Variants in EIF3H observed in about 807,000 individuals in gnomAD.
The protein encoded by EIF3H is eIF-3-gamma.
In EIF3H, 26 loss-of-function variants were observed where a neutral mutation model predicts 44.2. The ratio of observed to expected loss-of-function variants is 0.59; its 90% confidence interval spans 0.43 to 0.82. The LOEUF (loss-of-function observed/expected upper bound fraction) is 0.82, where lower values mean the gene tolerates loss of function less well. EIF3H is among the 40% of genes least tolerant of loss of function. EIF3H has a pLI of 0.00. For missense variants in EIF3H, 359 were observed against 432.8 expected (o/e 0.83, Z 1.51); for synonymous variants, 166 against 151.9 (o/e 1.09, Z -0.68).
At chr8:116,760,611 T>C (rs1815509021), upstream of EIF3H, among the ~76,000 whole-genome samples, 1 of 151,524 alleles carries the variant, frequency 6.6e-6, no homozygotes, top group African/African-American at 2.4e-5. Flanking sequence ...AATCTTGCAG[T>C]AAAAAAAAAT....
chr8:116,731,164 A>G (rs1814944284), intron 1 of EIF3H, among the ~76,000 whole-genome samples: 1 of 152,228 alleles, frequency 6.6e-6, no homozygotes, highest in Non-Finnish European at 1.5e-5. Context: ...TGTGATACAT[A>G]TACACTCAGG....
At chr8:116,759,203 A>C (rs1815489845), upstream of EIF3H, among the ~76,000 whole-genome samples, 1 of 152,194 alleles carries the variant, frequency 6.6e-6, no homozygotes, top group Non-Finnish European at 1.5e-5. Flanking sequence ...TTGTCACAGA[A>C]ACTAATGTTT....
intron 1 of EIF3H, among the ~76,000 whole-genome samples, chr8:116,754,824 G>A (rs1203832322): frequency 1.3e-5 from 2 of 152,144 alleles, no homozygotes; most frequent in African/African-American, 4.8e-5. Context: ...AAAAATACCT[G>A]CTTGCAATTA....
intron 2 of EIF3H, among the ~76,000 whole-genome samples, chr8:116,671,082 T>A (rs898163145): frequency 1.3e-5 from 2 of 152,216 alleles, no homozygotes; most frequent in African/African-American, 4.8e-5. Context: ...ATGTTTAAAA[T>A]AGAATTAACT....
chr8:116,740,908 C>A (rs1414256785), intron 1 of EIF3H, among the ~76,000 whole-genome samples: 1 of 152,094 alleles, frequency 6.6e-6, no homozygotes, highest in Non-Finnish European at 1.5e-5. Context: ...CCTATAAAGA[C>A]AGTACCAATC....
intron 1 of EIF3H, among the ~76,000 whole-genome samples, chr8:116,749,446 A>G (rs1245547103): frequency 2.0e-5 from 3 of 152,202 alleles, no homozygotes; most frequent in African/African-American, 7.2e-5. Flanking sequence ...TGTAGCCAAC[A>G]TTGCTCATCT....
At chr8:116,737,004 T>G (rs142102902) in intron 1 of EIF3H, among the ~76,000 whole-genome samples, 2 of 152,344 alleles carry the variant, frequency 1.3e-5, no homozygotes, top group African/African-American at 4.8e-5. Context: ...AATGAGATTA[T>G]TTAGACAACA....
chr8:116,755,905 GA>G, upstream of EIF3H: 1 of 1,553,436 alleles, frequency 6.4e-7, no homozygotes. Context: ...GAGACGGAAG[GA>G]GAAGCCAAAA....
intron 2 of EIF3H, among the ~76,000 whole-genome samples, chr8:116,678,987 A>T: frequency 1.6e-5 from 1 of 61,624 alleles, no homozygotes; most frequent in African/African-American, 4.7e-5. Context: ...TCCAGGAGGG[A>T]GGTGGGGGGG....
chr8:116,740,313 T>A (rs1289786907), intron 1 of EIF3H, among the ~76,000 whole-genome samples: 2 of 152,190 alleles, frequency 1.3e-5, no homozygotes, highest in African/African-American at 4.8e-5. Flanking sequence ...CAAGCACTTA[T>A]GTAACTGTAA....
At chr8:116,674,251 A>C (rs1813808031) in intron 2 of EIF3H, among the ~76,000 whole-genome samples, 1 of 146,664 alleles carries the variant, frequency 6.8e-6, no homozygotes, top group East Asian at 2.1e-4. Flanking sequence ...ATTCTAAGAC[A>C]TCATATATTA....
intron 2 of EIF3H, among the ~76,000 whole-genome samples, chr8:116,678,300 T>C (rs1318973600): frequency 8.6e-5 from 13 of 151,928 alleles, no homozygotes; most frequent in Non-Finnish European, 1.6e-4. Context: ...CAGTGCTCAA[T>C]GGTGCCCAGG....
chr8:116,759,607 C>T (rs934191513), upstream of EIF3H, among the ~76,000 whole-genome samples: 6 of 152,086 alleles, frequency 3.9e-5, no homozygotes, highest in South Asian at 2.1e-4. Context: ...CATTTTATTA[C>T]GATAGAGAGT....
intron 2 of EIF3H, among the ~76,000 whole-genome samples, chr8:116,725,016 G>T (rs1489379673): frequency 6.6e-6 from 1 of 152,232 alleles, no homozygotes; most frequent in Non-Finnish European, 1.5e-5. Flanking sequence ...ATAGCCAACA[G>T]GTGGGAGCAA....
intron 1 of EIF3H, among the ~76,000 whole-genome samples, chr8:116,754,548 ACT>A (rs1224647826): frequency 6.6e-6 from 1 of 152,264 alleles, no homozygotes; most frequent in Non-Finnish European, 1.5e-5. Flanking sequence ...AAGTGATTAC[ACT>A]GTACTACAGG....
chr8:116,646,500 G>A lies in EIF3H; in HGVS notation c.932C>T (p.Pro311Leu), dbSNP rs756606553. The A allele has an allele frequency of 6.8e-6, 11 of 1,614,094 alleles. No individual in the cohort carries two copies. The highest frequency in any genetic ancestry group is 8.5e-6 in the Non-Finnish European group (10 of 1,180,042). The change falls in exon 7 of 8, where the codon CCT becomes CTT. Residue 311 changes from proline (P) to leucine (L), a missense_variant. Pro to Leu is a moderately conservative substitution (Grantham distance 98). Around this residue, in one of 5 missense-constraint regions of EIF3H, gnomAD observed 94 missense variants for 96.0 expected, o/e 0.98. Coordinates refer to ENST00000521861, the MANE Select transcript of EIF3H (RefSeq NM_003756.3). ...LSKLFKPPQPPARMDSLLIAG... is the reference protein window; with the variant it reads ...LSKLFKPPQPLARMDSLLIAG... The stretch of plus-strand genomic sequence containing the variant: ...AATGAGCAGCGAGTCCATCCTGGCA[G>A]GCGGCTGTGGTGGTTTGAAGAGTTT...
At chr8:116,700,529 TC>T (rs1166813335) in intron 2 of EIF3H, among the ~76,000 whole-genome samples, 81 of 152,276 alleles carry the variant, frequency 5.3e-4, no homozygotes, top group Admixed American at 4.3e-3. Context: ...AACGTCTCTG[TC>T]CTAAAGTCTT....
intron 2 of EIF3H, among the ~76,000 whole-genome samples, chr8:116,666,753 CAAAAAAAAAAA>C (rs56700266): frequency 1.4e-5 from 1 of 71,432 alleles, no homozygotes; most frequent in Admixed American, 1.9e-4. Context: ...TAGTGTTAGG[CAAAAAAAAAAA>C]AAAAAAAAAA....
At chr8:116,757,427 C>T (rs990065436), upstream of EIF3H, among the ~76,000 whole-genome samples, 10 of 152,188 alleles carry the variant, frequency 6.6e-5, no homozygotes, top group African/African-American at 2.4e-4. Flanking sequence ...CTCCTTTATT[C>T]TCAGTTCCCA....
Sources: allele counts gnomAD v4.1 joint callset (sites outside exome capture counted in the v4.1 genomes callset), GRCh38; gene constraint gnomAD v4.1.1; regional missense constraint gnomAD v4.1.1; transcripts MANE v1.5; gene names NCBI Gene and HGNC (gene_info 2026-07-23, HGNC 2026-07-21).